The following SLC8A1 variants were observed in gnomAD, a reference collection of about 807,000 sequenced individuals.
The protein encoded by SLC8A1 is sodium/calcium exchanger 1.
A neutral mutation model predicts 68.3 loss-of-function variants in SLC8A1; 18 were observed. That is an observed-to-expected ratio of 0.26 (90% CI 0.18 to 0.39). The LOEUF is 0.39. SLC8A1 is among the 10% of genes least tolerant of loss of function. The pLI is 1.00. For synonymous variants in SLC8A1, 475 were observed against 415.5 expected (o/e 1.14, Z -1.74); for missense variants, 985 against 1,156.7 (o/e 0.85, Z 2.15).
chr2:40,435,942 A>ATTTTTTTTTTTTTTTTT (rs59783278), intron 1 of SLC8A1, among the ~76,000 whole-genome samples: 1 of 125,418 alleles, frequency 8.0e-6, no homozygotes. Context: ...ATGCTCGGCT[A>ATTTTTTTTTTTTTTTTT]TTTTTTTTTT....
intron 2 of SLC8A1, among the ~76,000 whole-genome samples, chr2:40,318,000 T>G (rs1290295913): frequency 9.2e-5 from 14 of 152,022 alleles, no homozygotes; most frequent in Non-Finnish European, 2.9e-5. Flanking sequence ...AGAGCAACAC[T>G]GAAGTGTATA....
intron 2 of SLC8A1, among the ~76,000 whole-genome samples, chr2:40,191,286 G>C (rs1257932955): frequency 6.6e-6 from 1 of 152,086 alleles, no homozygotes; most frequent in Non-Finnish European, 1.5e-5. Flanking sequence ...TTTCACTATA[G>C]CACTTACTTG....
At chr2:40,369,948 T>G (rs886937452) in intron 2 of SLC8A1, among the ~76,000 whole-genome samples, 5 of 152,132 alleles carry the variant, frequency 3.3e-5, no homozygotes, top group African/African-American at 1.2e-4. Flanking sequence ...TTTAATATCT[T>G]TGTAATATTT....
chr2:40,363,180 C>T (rs1211998217), intron 2 of SLC8A1, among the ~76,000 whole-genome samples: 1 of 152,064 alleles, frequency 6.6e-6, no homozygotes, highest in Non-Finnish European at 1.5e-5. Flanking sequence ...AATCATTTTT[C>T]ACCATATAAG....
intron 2 of SLC8A1, among the ~76,000 whole-genome samples, chr2:40,354,692 CAG>C (rs1672157479): frequency 6.6e-5 from 10 of 151,994 alleles, no homozygotes; most frequent in Admixed American, 6.6e-4. Flanking sequence ...ATATAATATT[CAG>C]AGTGTTTTAA....
chr2:40,323,284 C>T (rs374179789), intron 2 of SLC8A1, among the ~76,000 whole-genome samples: 1 of 152,156 alleles, frequency 6.6e-6, no homozygotes, highest in African/African-American at 2.4e-5. Context: ...CAATATTTCC[C>T]TTTCATAATT....
chr2:40,324,681 T>A (rs1359450704), intron 2 of SLC8A1, among the ~76,000 whole-genome samples: 1 of 152,124 alleles, frequency 6.6e-6, no homozygotes, highest in African/African-American at 2.4e-5. Flanking sequence ...CTTCCCTTCC[T>A]TCTTCCCTCC....
chr2:40,208,128 G>A (rs183482205), intron 2 of SLC8A1, among the ~76,000 whole-genome samples: 67 of 152,208 alleles, frequency 4.4e-4, no homozygotes, highest in South Asian at 1.0e-3. Context: ...GAAGTTAGGC[G>A]CAGGAAAAAT....
intron 7 of SLC8A1, among the ~76,000 whole-genome samples, chr2:40,116,122 T>G (rs1359237400): frequency 6.6e-6 from 1 of 152,158 alleles, no homozygotes; most frequent in Non-Finnish European, 1.5e-5. Flanking sequence ...AGATGCTGTA[T>G]CAGCAGCTCT....
intron 2 of SLC8A1, among the ~76,000 whole-genome samples, chr2:40,245,745 G>C (rs1396261166): frequency 6.6e-6 from 1 of 151,592 alleles, no homozygotes; most frequent in African/African-American, 2.4e-5. Flanking sequence ...TGTATATTGT[G>C]AAAAACACAT....
At chr2:40,281,380 C>T in intron 2 of SLC8A1, among the ~76,000 whole-genome samples, 1 of 152,172 alleles carries the variant, frequency 6.6e-6, no homozygotes, top group Non-Finnish European at 1.5e-5. Context: ...AAAAGCAACA[C>T]TGTTGGTCAG....
chr2:40,348,956 A>C (rs1022145492), intron 2 of SLC8A1, among the ~76,000 whole-genome samples: 8 of 152,166 alleles, frequency 5.3e-5, no homozygotes, highest in African/African-American at 1.9e-4. Flanking sequence ...CTAATAAATG[A>C]TTTCTTAATT....
At chr2:40,367,731 C>T (rs973812655) in intron 2 of SLC8A1, among the ~76,000 whole-genome samples, 11 of 151,968 alleles carry the variant, frequency 7.2e-5, no homozygotes, top group African/African-American at 2.7e-4. Flanking sequence ...CTATCCAGTA[C>T]AACATGTAGC....
intron 2 of SLC8A1, among the ~76,000 whole-genome samples, chr2:40,252,132 T>A (rs1186526448): frequency 6.6e-6 from 1 of 152,202 alleles, no homozygotes; most frequent in African/African-American, 2.4e-5. Context: ...TCTCCAAATT[T>A]TCTATAATGT....
At chr2:40,121,404 C>A (rs985032917) in intron 7 of SLC8A1, among the ~76,000 whole-genome samples, 4 of 152,114 alleles carry the variant, frequency 2.6e-5, no homozygotes, top group South Asian at 2.1e-4. Flanking sequence ...AAGCTGGTTT[C>A]TCTTAGAAAC....
In SLC8A1 at chr2:40,107,279, C is replaced by CAAAAAAAAAAAAAAAAAAAAAAAAAA. The variant is rs70957143; in HGVS notation, c.*7973_*7974insTTTTTTTTTTTTTTTTTTTTTTTTTT. 22 of 64,908 alleles carry CAAAAAAAAAAAAAAAAAAAAAAAAAA rather than the reference C, an allele frequency of 3.4e-4. 1 individual carries two copies. The highest frequency in any genetic ancestry group is 1.2e-3 in the African/African-American group (20 of 16,124). 4.0% of individuals were successfully genotyped at this position (64,908 alleles called of 1,614,324 possible). On this transcript the variant is annotated 3_prime_UTR_variant, in exon 8 of 8. Transcript: ENST00000406785. The stretch of plus-strand genomic sequence containing the variant: ...TGGGCGACAGAGCGAGACTCCGTCT[C>CAAAAAAAAAAAAAAAAAAAAAAAAAA]AAAAAAAAAAAAAAAAAAAAGAAAA...
chr2:40,197,090 A>C (rs1002082149), intron 2 of SLC8A1, among the ~76,000 whole-genome samples: 6 of 152,062 alleles, frequency 3.9e-5, no homozygotes, highest in Non-Finnish European at 7.4e-5. Flanking sequence ...CTGCAAATCA[A>C]ATGAAGCCTG....
chr2:40,227,551 C>T (rs933802052), intron 2 of SLC8A1, among the ~76,000 whole-genome samples: 4 of 151,918 alleles, frequency 2.6e-5, no homozygotes, highest in Non-Finnish European at 5.9e-5. Flanking sequence ...ACAACACATA[C>T]TGGGGTCTTT....
chr2:40,257,909 G>C (rs2064158416), intron 2 of SLC8A1, among the ~76,000 whole-genome samples: 1 of 151,536 alleles, frequency 6.6e-6, no homozygotes, highest in South Asian at 2.1e-4. Context: ...AGCAAAGATA[G>C]ATAATGCCTA....
Sources: allele counts gnomAD v4.1 joint callset (sites outside exome capture counted in the v4.1 genomes callset), GRCh38; gene constraint gnomAD v4.1.1; transcripts MANE v1.5; gene names NCBI Gene and HGNC (gene_info 2026-07-23, HGNC 2026-07-21).